FAM20B: variants seen among roughly 807,000 people sequenced by gnomAD.
FAM20B encodes FAM20B glycosaminoglycan xylosylkinase.
Under a neutral mutation model 43.8 loss-of-function variants are expected in FAM20B, and 23 were observed. The ratio of observed to expected loss-of-function variants is 0.53; its 90% confidence interval spans 0.38 to 0.74. FAM20B has a LOEUF of 0.74. Among genes scored for constraint, FAM20B ranks in the 30% least tolerant of loss-of-function variants. FAM20B has a pLI of 0.00. For synonymous variants in FAM20B, 178 were observed against 192.4 expected, an observed-to-expected ratio of 0.93 and a Z score of 0.62; for missense variants, 440 against 510.5, an observed-to-expected ratio of 0.86 and a Z score of 1.33.
rs76699915 is a variant in FAM20B at position 179,027,763 on chromosome 1, G to C, written c.-134+1665G>C. On this transcript the variant is annotated intron_variant, in intron 1 of 7. Coordinates refer to ENST00000263733, the MANE Select transcript of FAM20B (RefSeq NM_014864.4). ...AATGTGACATTGGTATGCTCTATTC[G>C]TTTCTCTAGAACTGGTAGGACAGTA... 7.7e-3 allele frequency among the ~76,000 whole-genome samples: 1,171 copies of C among 152,246 alleles called. 13 individuals are homozygous for C. The highest frequency in any genetic ancestry group is 0.027 in the African/African-American group (1,105 of 41,538).
upstream of FAM20B, among the ~76,000 whole-genome samples, chr1:179,020,874 C>G (rs1649592931): frequency 6.6e-6 from 1 of 152,164 alleles, no homozygotes; most frequent in African/African-American, 2.4e-5. Context: ...AGTTTGAGGA[C>G]AGCCTGGCCA....
chr1:179,059,290 A>C (rs1651358344), intron 4 of FAM20B, among the ~76,000 whole-genome samples: 1 of 152,226 alleles, frequency 6.6e-6, no homozygotes, highest in Admixed American at 6.5e-5. Context: ...CCATGTTATT[A>C]AAATAAGTAG....
At chr1:179,040,099 C>T (rs545580623) in intron 1 of FAM20B, among the ~76,000 whole-genome samples, 231 of 152,320 alleles carry the variant, frequency 1.5e-3, no homozygotes, top group Admixed American at 2.2e-3. Flanking sequence ...TTTCTTAGCA[C>T]AGAACAAAAT....
At chr1:179,031,324 C>T (rs1261844731) in intron 1 of FAM20B, among the ~76,000 whole-genome samples, 3 of 152,220 alleles carry the variant, frequency 2.0e-5, no homozygotes, top group Admixed American at 1.3e-4. Flanking sequence ...CAAATTGTTA[C>T]TCATTTCCAC....
At chr1:179,058,476 T>C (rs1303069963) in intron 4 of FAM20B, among the ~76,000 whole-genome samples, 1 of 152,068 alleles carries the variant, frequency 6.6e-6, no homozygotes, top group Non-Finnish European at 1.5e-5. Flanking sequence ...TGATGAGCAA[T>C]GAGAGAAGAG....
At position 179,073,523 on chromosome 1, in the gene FAM20B, A is replaced by G. The variant is rs923721085; in HGVS notation, c.*1379A>G. The G allele has an allele frequency of 1.3e-5, 2 of 152,074 alleles. No homozygotes were observed. The highest frequency in any genetic ancestry group is 4.8e-5 in the African/African-American group (2 of 41,410). 9.4% of individuals were successfully genotyped at this position (152,074 alleles called of 1,614,324 possible). On this transcript the variant is annotated 3_prime_UTR_variant, in exon 8 of 8. Coordinates refer to ENST00000263733, the MANE Select transcript of FAM20B (RefSeq NM_014864.4). ...TGGAGACAGGGTTTCGGGTTTCACC[A>G]TGTTGGCCAGGTTGATCTTGGACTC...
intron 1 of FAM20B, among the ~76,000 whole-genome samples, chr1:179,032,645 T>G (rs1407307872): frequency 6.6e-6 from 1 of 152,150 alleles, no homozygotes; most frequent in Non-Finnish European, 1.5e-5. Flanking sequence ...AGAAGGTGAA[T>G]TAAGAAGCTA....
intron 1 of FAM20B, chr1:179,035,635 C>A: frequency 2.2e-6 from 1 of 449,514 alleles, no homozygotes; most frequent in South Asian, 2.3e-5. Flanking sequence ...GACTTTTGTT[C>A]CTTCTTTTCT....
At chr1:179,052,611 T>C (rs6425517) in intron 3 of FAM20B, among the ~76,000 whole-genome samples, 79,506 of 151,726 alleles carry the variant, frequency 0.52, 21,106 homozygotes, top group South Asian at 0.6. Flanking sequence ...TTCAAAGATA[T>C]ATATACAACA....
At chr1:179,071,014 G>A (rs914832332) in intron 7 of FAM20B, among the ~76,000 whole-genome samples, 8 of 151,872 alleles carry the variant, frequency 5.3e-5, no homozygotes, top group East Asian at 2.0e-4. Context: ...AATTTTTTCC[G>A]CCAGGCGCAG....
intron 3 of FAM20B, 76 bp downstream of exon 3, chr1:179,050,441 C>A (rs3766631): frequency 1.0e-6 from 1 of 992,160 alleles, no homozygotes; most frequent in East Asian, 2.4e-5. Context: ...TCGTGGACTC[C>A]TTCAGAAGGA....
chr1:179,024,412 T>C (rs1649673879), upstream of FAM20B, among the ~76,000 whole-genome samples: 1 of 152,232 alleles, frequency 6.6e-6, no homozygotes, highest in Non-Finnish European at 1.5e-5. Context: ...AAAGGAACTG[T>C]TGATTTACCC....
At chr1:179,050,476 A>T in intron 3 of FAM20B, 111 bp downstream of exon 3, 2 of 735,348 alleles carry the variant, frequency 2.7e-6, no homozygotes, top group Admixed American at 2.3e-5. Context: ...ATAACTTGTT[A>T]TCGATTTTAG....
intron 1 of FAM20B, among the ~76,000 whole-genome samples, chr1:179,031,343 A>G (rs1650001546): frequency 6.6e-6 from 1 of 152,210 alleles, no homozygotes; most frequent in Non-Finnish European, 1.5e-5. Context: ...ACGTAGTGTC[A>G]AGATTACTGC....
upstream of FAM20B, among the ~76,000 whole-genome samples, chr1:179,023,679 G>C (rs1198902730): frequency 6.6e-6 from 1 of 152,224 alleles, no homozygotes. Context: ...GATGGCGGCT[G>C]TAAGTTCACA....
chr1:179,054,898 T>C (rs995617306), intron 4 of FAM20B, among the ~76,000 whole-genome samples: 4 of 152,246 alleles, frequency 2.6e-5, no homozygotes, highest in Admixed American at 1.3e-4. Context: ...CAGGTGATTA[T>C]TTCCTTCTGC....
Position 179,072,377 on chromosome 1 carries a change from T to C in FAM20B, c.*233T>C. ...GCCTTCTCACCTCCTCGGCAATTGC[T>C]CATTCTAGGGTTGGGCATCATAGTT... On this transcript the variant is annotated 3_prime_UTR_variant, in exon 8 of 8. Coordinates refer to ENST00000263733, the MANE Select transcript of FAM20B (RefSeq NM_014864.4). The C allele has an allele frequency of 3.8e-6, 2 of 532,226 alleles. No individual in the cohort carries two copies. Among genetic ancestry groups the C allele is most frequent in the South Asian group, 4.3e-5 (2 of 46,674 alleles). The allele number at this position is 532,226 out of a possible 1,614,324, so 33.0% of individuals were successfully genotyped here. A position where few individuals can be genotyped will look rare whatever the true frequency, so the allele number is the denominator to read the frequency against.
chr1:179,037,059 G>A (rs1484998530), intron 1 of FAM20B, among the ~76,000 whole-genome samples: 1 of 152,266 alleles, frequency 6.6e-6, no homozygotes, highest in Non-Finnish European at 1.5e-5. Flanking sequence ...GGAACAATGG[G>A]AGTGATGTCT....
chr1:179,049,826 G>A (rs1049203651), intron 2 of FAM20B, among the ~76,000 whole-genome samples: 5 of 152,238 alleles, frequency 3.3e-5, no homozygotes, highest in African/African-American at 4.8e-5. Flanking sequence ...ACAGGTGTGA[G>A]CCACCGTGCC....
Sources: gnomAD v4.1 joint callset for allele counts (sites outside exome capture counted in the v4.1 genomes callset) on GRCh38, gnomAD v4.1.1 for gene constraint, MANE v1.5 for transcripts, NCBI Gene and HGNC (gene_info 2026-07-23, HGNC 2026-07-21) for gene names.